Variants in FANCI observed in about 807,000 individuals in gnomAD.
FANCI encodes FA complementation group I.
A neutral mutation model predicts 176.1 loss-of-function variants in FANCI; 156 were observed. The observed-to-expected ratio is 0.89, with a 90% CI of 0.78 to 1.01. The LOEUF is 1.01. Among genes scored for constraint, FANCI ranks in the 50% least tolerant of loss-of-function variants. FANCI has a pLI of 0.00. For missense variants in FANCI, 1,678 were observed against 1,534.1 expected, an observed-to-expected ratio of 1.09 and a Z score of -1.57; for synonymous variants, 613 against 541.7, an observed-to-expected ratio of 1.13 and a Z score of -1.83.
intron 10 of FANCI, among the ~76,000 whole-genome samples, chr15:89,269,144 C>A (rs2053099869): frequency 6.6e-6 from 1 of 152,162 alleles, no homozygotes; most frequent in Admixed American, 6.5e-5. Context: ...CTAGATTGAC[C>A]AATTATTAGA....
intron 24 of FANCI, among the ~76,000 whole-genome samples, chr15:89,297,133 G>T (rs548708063): frequency 6.7e-6 from 1 of 149,174 alleles, no homozygotes; most frequent in African/African-American, 2.5e-5. Context: ...GGCGGCTGCC[G>T]GGCGGCAGGG....
At chr15:89,287,997 C>A (rs1352477224) in intron 18 of FANCI, among the ~76,000 whole-genome samples, 1 of 152,166 alleles carries the variant, frequency 6.6e-6, no homozygotes, top group African/African-American at 2.4e-5. Flanking sequence ...AAATGTGACA[C>A]AGAGACATGC....
intron 27 of FANCI, among the ~76,000 whole-genome samples, chr15:89,303,380 T>A (rs966119394): frequency 6.6e-6 from 1 of 152,254 alleles, no homozygotes. Flanking sequence ...AAGAAAATGC[T>A]GTCTGGTTTC....
intron 24 of FANCI, among the ~76,000 whole-genome samples, chr15:89,298,854 C>G (rs1038072710): frequency 6.6e-6 from 1 of 152,206 alleles, no homozygotes; most frequent in East Asian, 1.9e-4. Flanking sequence ...GGACAGATTT[C>G]TTGAAAGCTC....
intron 3 of FANCI, chr15:89,259,051 C>A (rs2052612281): frequency 9.6e-6 from 4 of 418,762 alleles, no homozygotes; most frequent in South Asian, 8.6e-5. Flanking sequence ...TTTACTTGTG[C>A]TTTTAAGATT....
rs773827170 is a variant in FANCI at position 89,305,105 on chromosome 15, C to T, written c.3059-10C>T. 9.3e-6 allele frequency: 15 copies of T among 1,613,814 alleles called. No homozygotes were observed. The African/African-American group carries it at 1.7e-4, about 19-fold the overall frequency. On this transcript the variant is annotated splice_polypyrimidine_tract_variant and intron_variant, in intron 28 of 37. Transcript: ENST00000310775. ...CTTACCTTTTAATTTGCTTTTCTTC[C>T]TATTCCTAGAGGATGCCTTGTTTTG...
At position 89,268,379 on chromosome 15, in the gene FANCI, C is replaced by G; in HGVS notation, c.756-20C>G. On this transcript the variant is annotated intron_variant, in intron 9 of 37. Coordinates refer to ENST00000310775, the MANE Select transcript of FANCI (RefSeq NM_001113378.2). ...AGCCACTGCACCTTATAGCTCATAACTTTCTGTTGAATCTTTTAGGCTATT... is the reference window on the plus strand; with the variant it reads ...AGCCACTGCACCTTATAGCTCATAAGTTTCTGTTGAATCTTTTAGGCTATT... The G allele has an allele frequency of 5.6e-6, 9 of 1,614,006 alleles. No individual in the cohort carries two copies. The highest frequency in any genetic ancestry group is 1.1e-5 in the South Asian group (1 of 91,084).
chr15:89,291,474 C>T, intron 19 of FANCI, 139 bp from the exon 20 acceptor site: 1 of 707,852 alleles, frequency 1.4e-6, no homozygotes, highest in Non-Finnish European at 2.5e-6. Flanking sequence ...GAAATAAAAA[C>T]TTGGCTGCAT....
Position 89,258,747 on chromosome 15 carries a change from C to T in FANCI, c.128C>T (p.Ala43Val), listed in dbSNP as rs1194915757. The T allele has an allele frequency of 1.2e-6, 2 of 1,613,236 alleles. No individual in the cohort carries two copies. Among genetic ancestry groups the T allele is most frequent in the Non-Finnish European group, 1.7e-6 (2 of 1,179,384 alleles). Residue 43 changes from alanine to valine, a missense_variant, in exon 3 of 38, where the codon GCT becomes GTT. Ala to Val is a moderately conservative substitution (Grantham distance 64). This residue lies in a region of FANCI where 469 missense variants were observed against 436.9 expected (regional missense o/e 1.07). Coordinates refer to ENST00000310775, the MANE Select transcript of FANCI (RefSeq NM_001113378.2). ...AATCAAGCAGTGAAAGGAAAAGTTGCTGGAGCACTCCTGAGAGCCATCTTC... is the reference window on the plus strand; with the variant it reads ...AATCAAGCAGTGAAAGGAAAAGTTGTTGGAGCACTCCTGAGAGCCATCTTC... ...LQNQAVKGKV[A>V]GALLRAIFKG... is the part of the protein sequence containing the mutation.
At chr15:89,305,838 AAGT>A (rs2054697328) in intron 31 of FANCI, 140 bp downstream of exon 31, 1 of 1,106,206 alleles carries the variant, frequency 9.0e-7, no homozygotes, top group Admixed American at 2.0e-5. Flanking sequence ...GTGATGAAAG[AAGT>A]AGAAGATCAT....
At chr15:89,314,193 C>A (rs1463531160) in intron 35 of FANCI, among the ~76,000 whole-genome samples, 1 of 148,618 alleles carries the variant, frequency 6.7e-6, no homozygotes, top group East Asian at 1.9e-4. Flanking sequence ...CACACACACA[C>A]ACGTAGAACC....
intron 9 of FANCI, among the ~76,000 whole-genome samples, chr15:89,266,464 G>T (rs923668666): frequency 4.7e-5 from 7 of 150,480 alleles, no homozygotes; most frequent in Admixed American, 6.6e-5. Context: ...TAGTAGCTGG[G>T]GTTACAGGTG....
intron 2 of FANCI, 92 bp downstream of exon 2, chr15:89,247,823 C>T (rs980326508): frequency 1.2e-4 from 116 of 944,446 alleles, no homozygotes; most frequent in Non-Finnish European, 8.1e-5. Flanking sequence ...TACGCTGCTT[C>T]TTCATCTACT....
chr15:89,264,368 GA>G (rs1162964762), intron 8 of FANCI, among the ~76,000 whole-genome samples, 153 bp from the exon 9 acceptor site: 1 of 152,186 alleles, frequency 6.6e-6, no homozygotes, highest in Non-Finnish European at 1.5e-5. Context: ...GTTTCAACAT[GA>G]AAGTGTTCTA....
chr15:89,245,092 T>G (rs1029338406), intron 1 of FANCI: 3 of 152,160 alleles, frequency 2.0e-5, no homozygotes, highest in African/African-American at 7.2e-5. Context: ...GGTGACAGTA[T>G]GTAAGAGAGT....
intron 17 of FANCI, among the ~76,000 whole-genome samples, chr15:89,284,621 A>G (rs1332091339): frequency 6.6e-6 from 1 of 152,212 alleles, no homozygotes; most frequent in African/African-American, 2.4e-5. Flanking sequence ...TTCTTGGTCT[A>G]TAATTGCTGA....
chr15:89,252,047 C>T (rs779996464), intron 2 of FANCI, among the ~76,000 whole-genome samples: 31 of 152,198 alleles, frequency 2.0e-4, no homozygotes, highest in Non-Finnish European at 4.1e-4. Flanking sequence ...CACCCATAAT[C>T]CCAACGCTTT....
intron 14 of FANCI, among the ~76,000 whole-genome samples, chr15:89,279,169 TTG>T (rs869121600): frequency 1.3e-5 from 2 of 151,938 alleles, no homozygotes; most frequent in Non-Finnish European, 2.9e-5. Context: ...GTTGTTGTTG[TTG>T]TTTCTTTTTT....
intron 18 of FANCI, among the ~76,000 whole-genome samples, chr15:89,289,274 C>T (rs557863042): frequency 1.0e-3 from 156 of 151,814 alleles, no homozygotes; most frequent in East Asian, 6.4e-3. Context: ...TCCTTTGTTC[C>T]GTTCCTTTCC....
Sources: allele counts gnomAD v4.1 joint callset (sites outside exome capture counted in the v4.1 genomes callset), GRCh38; gene constraint gnomAD v4.1.1; regional missense constraint gnomAD v4.1.1; transcripts MANE v1.5; gene names NCBI Gene and HGNC (gene_info 2026-07-23, HGNC 2026-07-21).